The following CTNNA1 variants were observed in gnomAD, a reference collection of about 807,000 sequenced individuals.
The protein encoded by CTNNA1 is catenin alpha-1.
A neutral mutation model predicts 98.4 loss-of-function variants in CTNNA1; 37 were observed. The ratio of observed to expected loss-of-function variants is 0.38; its 90% CI spans 0.29 to 0.49. The LOEUF (loss-of-function observed/expected upper bound fraction) is 0.49, where lower values mean the gene tolerates loss of function less well. Ranked by LOEUF, CTNNA1 falls within the 20% of genes least tolerant of loss-of-function variation. The pLI is 0.95. For missense variants in CTNNA1, 761 were observed against 1,147.2 expected, an observed-to-expected ratio of 0.66 and a Z score of 4.86; for synonymous variants, 404 against 413.2, an observed-to-expected ratio of 0.98 and a Z score of 0.27.
chr5:138,871,989 G>A (rs1489223011), intron 7 of CTNNA1: 1 of 151,146 alleles, frequency 6.6e-6, no homozygotes, highest in East Asian at 2.0e-4. Context: ...CTTTGTCAAG[G>A]CATCTTTGAT....
chr5:138,763,931 C>T (rs1372097801), intron 1 of CTNNA1, among the ~76,000 whole-genome samples: 1 of 152,184 alleles, frequency 6.6e-6, no homozygotes, highest in Non-Finnish European at 1.5e-5. Context: ...TGGCTCACGC[C>T]TTTAATCCCA....
intron 1 of CTNNA1, among the ~76,000 whole-genome samples, chr5:138,776,684 C>T (rs1375419233): frequency 6.7e-6 from 1 of 149,182 alleles, no homozygotes; most frequent in Non-Finnish European, 1.5e-5. Flanking sequence ...CTGACCCCCC[C>T]ACCTCCCTCC....
At position 138,930,724 on chromosome 5, in the gene CTNNA1, G is replaced by A. The variant is rs111452581; in HGVS notation, c.2192+70G>A. 74 of 1,565,182 alleles carry A rather than the reference G, an allele frequency of 4.7e-5. No homozygotes were observed. The African/African-American group carries it at 6.1e-4, about 13-fold the overall frequency. On this transcript the variant is annotated intron_variant, in intron 15 of 17. Coordinates refer to ENST00000302763, the MANE Select transcript of CTNNA1 (RefSeq NM_001903.5). The stretch of plus-strand genomic sequence containing the variant: ...CTTCCCCACAGGTCACCTGCGCAGC[G>A]GCTCAGACAGCCCAGGCCATGGGGC...
intron 5 of CTNNA1, among the ~76,000 whole-genome samples, chr5:138,815,940 C>T (rs1283803603): frequency 6.6e-6 from 1 of 152,140 alleles, no homozygotes; most frequent in Non-Finnish European, 1.5e-5. Context: ...CTAATTTTGT[C>T]CTAAGGGCCC....
chr5:138,884,562 C>T (rs936256850), intron 7 of CTNNA1, among the ~76,000 whole-genome samples: 1 of 152,178 alleles, frequency 6.6e-6, no homozygotes, highest in Non-Finnish European at 1.5e-5. Flanking sequence ...GGATTTCTTT[C>T]AGGGCCTGCT....
chr5:138,795,531 G>A (rs146743783), intron 3 of CTNNA1, among the ~76,000 whole-genome samples: 1 of 152,234 alleles, frequency 6.6e-6, no homozygotes, highest in African/African-American at 2.4e-5. Flanking sequence ...GTATTTAAGA[G>A]AATTTGGTAT....
At chr5:138,818,133 T>C (rs1759625452) in intron 5 of CTNNA1, among the ~76,000 whole-genome samples, 1 of 151,312 alleles carries the variant, frequency 6.6e-6, no homozygotes, top group African/African-American at 2.4e-5. Flanking sequence ...TTTTCCTTTT[T>C]CTTTTTTTTT....
Position 138,930,818 on chromosome 5 carries a change from C to G in CTNNA1, c.2193-12C>G. The G allele has an allele frequency of 6.4e-7, 1 of 1,568,222 alleles. No homozygotes were observed. Among genetic ancestry groups the G allele is most frequent in the Non-Finnish European group, 8.8e-7 (1 of 1,138,190 alleles). On this transcript the variant is annotated splice_polypyrimidine_tract_variant and intron_variant, in intron 15 of 17. Coordinates refer to ENST00000302763, the MANE Select transcript of CTNNA1 (RefSeq NM_001903.5). ...CACATACAATAATCCTTGTTCTCTT[C>G]CCTCTTCTCAGAGGTAAAGGACCAC...
chr5:138,811,304 A>G (rs1359949534), intron 4 of CTNNA1, among the ~76,000 whole-genome samples: 7 of 126,728 alleles, frequency 5.5e-5, no homozygotes, highest in African/African-American at 1.8e-4. Context: ...GGCGCTCCCC[A>G]CATCTCAGAC....
chr5:138,830,166 CAAAA>C (rs113554684), intron 7 of CTNNA1, among the ~76,000 whole-genome samples: 1 of 135,698 alleles, frequency 7.4e-6, no homozygotes, highest in African/African-American at 2.8e-5. Flanking sequence ...GACTCCATCT[CAAAA>C]AAAAAAAAAC....
chr5:138,765,074 T>C (rs774941086), intron 1 of CTNNA1, among the ~76,000 whole-genome samples: 2 of 151,872 alleles, frequency 1.3e-5, no homozygotes, highest in Non-Finnish European at 2.9e-5. Context: ...GGAGTCTTGC[T>C]CTGTCCCCCA....
At chr5:138,805,520 T>C (rs568490589) in intron 3 of CTNNA1, among the ~76,000 whole-genome samples, 26 of 152,292 alleles carry the variant, frequency 1.7e-4, no homozygotes, top group African/African-American at 6.3e-4. Flanking sequence ...AGGTTGAGCA[T>C]CTTTTCATGT....
At chr5:138,822,090 C>T (rs1461319992) in intron 5 of CTNNA1, among the ~76,000 whole-genome samples, 1 of 152,006 alleles carries the variant, frequency 6.6e-6, no homozygotes, top group Non-Finnish European at 1.5e-5. Flanking sequence ...AAAATATATC[C>T]CTCATACTTT....
chr5:138,930,857 G>C lies in CTNNA1; in HGVS notation c.2220G>C (p.Ser740=), dbSNP rs1059110. The change falls in exon 16 of 18, where the codon TCG becomes TCC. Residue 740 remains serine (S), a synonymous_variant. Transcript: ENST00000302763. ...TRGKGPLKNT[S]DVISAAKKIA... ...GTAAAGGACCACTCAAAAATACATCGGATGTCATCAGTGCTGCCAAGAAAA... is the reference window on the plus strand; with the variant it reads ...GTAAAGGACCACTCAAAAATACATCCGATGTCATCAGTGCTGCCAAGAAAA... 4 of 1,612,648 alleles carry C rather than the reference G, an allele frequency of 2.5e-6. No individual in the cohort carries two copies. Among genetic ancestry groups the C allele is most frequent in the Non-Finnish European group, 3.4e-6 (4 of 1,178,844 alleles).
chr5:138,818,365 T>C (rs1759673493), intron 5 of CTNNA1, among the ~76,000 whole-genome samples: 1 of 151,498 alleles, frequency 6.6e-6, no homozygotes, highest in African/African-American at 2.4e-5. Flanking sequence ...ACTTCCTTTT[T>C]ATTGGGTTCT....
intron 13 of CTNNA1, among the ~76,000 whole-genome samples, chr5:138,926,995 C>G (rs1050321771): frequency 6.6e-6 from 1 of 152,194 alleles, no homozygotes; most frequent in African/African-American, 2.4e-5. Flanking sequence ...TTTTATTTCC[C>G]TTTTGTCCCA....
At chr5:138,875,711 G>A in intron 7 of CTNNA1, 7 of 985,464 alleles carry the variant, frequency 7.1e-6, no homozygotes, top group Non-Finnish European at 8.4e-6. Flanking sequence ...AATTTATGAA[G>A]TGCTGATTTA....
chr5:138,824,725 A>C lies in CTNNA1; in HGVS notation c.784A>C (p.Thr262Pro). The C allele has an allele frequency of 6.2e-7, 1 of 1,614,216 alleles. No homozygotes were observed. The highest frequency in any genetic ancestry group is 1.3e-5 in the African/African-American group (1 of 75,058). The change falls in exon 6 of 18, where the codon ACT becomes CCT. Residue 262 changes from threonine (T) to proline (P), a missense_variant. Thr to Pro is a conservative substitution (Grantham distance 38, BLOSUM62 -1). Coordinates refer to ENST00000302763, the MANE Select transcript of CTNNA1 (RefSeq NM_001903.5). ...AGGCATTTCCAATGCAGCCCAGGCC[A>C]CTGCCTCAGACGATGCCTCACAGCA... Reference protein sequence around the residue: ...VTGISNAAQATASDDASQHQG... With the variant: ...VTGISNAAQAPASDDASQHQG...
chr5:138,888,961 C>T (rs1006930021), intron 9 of CTNNA1, among the ~76,000 whole-genome samples: 1 of 152,332 alleles, frequency 6.6e-6, no homozygotes, highest in East Asian at 1.9e-4. Flanking sequence ...TCATTATTTA[C>T]AGAATACATA....
Sources: gnomAD v4.1 joint callset for allele counts (sites outside exome capture counted in the v4.1 genomes callset) on GRCh38, gnomAD v4.1.1 for gene constraint, MANE v1.5 for transcripts, NCBI Gene and HGNC (gene_info 2026-07-23, HGNC 2026-07-21) for gene names.